Variants in PPP1R9A observed in about 807,000 individuals in gnomAD.
PPP1R9A encodes protein phosphatase 1 regulatory subunit 9A, also known as neurabin-1.
In PPP1R9A, 59 loss-of-function variants were observed where a neutral mutation model predicts 141.9. The ratio of observed to expected loss-of-function variants is 0.42; its 90% CI spans 0.34 to 0.52. The LOEUF (loss-of-function observed/expected upper bound fraction) is 0.52. Among genes scored for constraint, PPP1R9A ranks in the 20% least tolerant of loss-of-function variants. PPP1R9A has a pLI of 0.10. For missense variants in PPP1R9A, 1,444 were observed against 1,611.9 expected, an observed-to-expected ratio of 0.90 and a Z score of 1.78; for synonymous variants, 500 against 569.7, an observed-to-expected ratio of 0.88 and a Z score of 1.74.
intron 2 of PPP1R9A, among the ~76,000 whole-genome samples, chr7:95,074,623 C>T (rs560617461): frequency 2.6e-5 from 4 of 151,856 alleles, no homozygotes; most frequent in Non-Finnish European, 5.9e-5. Context: ...TACAGACATG[C>T]GCCACCACGC....
chr7:95,149,317 T>C (rs987647109), intron 4 of PPP1R9A, among the ~76,000 whole-genome samples: 1 of 152,110 alleles, frequency 6.6e-6, no homozygotes, highest in Non-Finnish European at 1.5e-5. Context: ...CTAAAAAACT[T>C]TCCTGCTAAG....
chr7:95,243,692 C>T (rs897474099), intron 8 of PPP1R9A, among the ~76,000 whole-genome samples: 1 of 152,106 alleles, frequency 6.6e-6, no homozygotes, highest in African/African-American at 2.4e-5. Flanking sequence ...TTTGTTTCCG[C>T]TCCATCACCT....
chr7:95,055,709 CTCATTTCTG>C (rs1811411246), intron 2 of PPP1R9A, among the ~76,000 whole-genome samples: 1 of 152,054 alleles, frequency 6.6e-6, no homozygotes, highest in African/African-American at 2.4e-5. Context: ...TATTAGTACA[CTCATTTCTG>C]TCTTTTTCTT....
chr7:95,111,226 C>G, intron 2 of PPP1R9A, 33 bp from the exon 3 acceptor site: 1 of 1,204,874 alleles, frequency 8.3e-7, no homozygotes. Flanking sequence ...TTTTTTTTTT[C>G]TGTATTATCA....
intron 2 of PPP1R9A, among the ~76,000 whole-genome samples, chr7:95,081,682 G>C (rs1185366053): frequency 1.3e-5 from 2 of 152,176 alleles, no homozygotes; most frequent in Non-Finnish European, 2.9e-5. Flanking sequence ...ACATCAGCGG[G>C]AATGGTGGGA....
intron 2 of PPP1R9A, among the ~76,000 whole-genome samples, chr7:95,079,809 C>T (rs549283329): frequency 3.4e-4 from 52 of 152,168 alleles, no homozygotes; most frequent in East Asian, 3.1e-3. Context: ...AAATGTAATC[C>T]GGCATATAAA....
At chr7:95,028,549 C>A (rs1029608058) in intron 2 of PPP1R9A, among the ~76,000 whole-genome samples, 1 of 151,946 alleles carries the variant, frequency 6.6e-6, no homozygotes, top group South Asian at 2.1e-4. Flanking sequence ...TATTAGAAAT[C>A]GTGTGATGGA....
chr7:95,230,044 C>T (rs1795701209), intron 8 of PPP1R9A, among the ~76,000 whole-genome samples: 1 of 152,134 alleles, frequency 6.6e-6, no homozygotes, highest in Non-Finnish European at 1.5e-5. Flanking sequence ...CCACTGGGTG[C>T]TAGATCCAGA....
At chr7:95,254,355 C>CT (rs1799292114) in intron 12 of PPP1R9A, among the ~76,000 whole-genome samples, 1 of 152,180 alleles carries the variant, frequency 6.6e-6, no homozygotes, top group African/African-American at 2.4e-5. Context: ...CTGGAAAGCA[C>CT]TTTTCTAAAT....
chr7:95,276,818 C>T (rs1171169966), intron 16 of PPP1R9A, among the ~76,000 whole-genome samples: 1 of 152,108 alleles, frequency 6.6e-6, no homozygotes, highest in East Asian at 1.9e-4. Context: ...AAATTTTGAG[C>T]TGCTATAGTA....
Position 95,251,777 on chromosome 7 carries a change from C to G in PPP1R9A, c.2412C>G (p.Ile804Met), listed in dbSNP as rs1299462460. ...TCTTCTTAAGAGAGCTTGATTTCAT[C>G]AAAAGACAGGAAGCAGAAAGAAAGA... ...KDFQQKELDF[I>M]KRQEAERKKI... The change falls in exon 11 of 20, where the codon ATC (isoleucine) becomes ATG (methionine). Residue 804 changes from isoleucine to methionine, a missense_variant. Physicochemically the swap from Ile to Met is conservative, Grantham distance 10 (BLOSUM62 1). Transcript: ENST00000433360. The G allele has an allele frequency of 6.8e-6, 11 of 1,613,158 alleles. No individual in the cohort carries two copies. The highest frequency in any genetic ancestry group is 8.5e-6 in the Non-Finnish European group (10 of 1,179,614).
chr7:95,280,394 A>T (rs1803973359), intron 16 of PPP1R9A, among the ~76,000 whole-genome samples: 1 of 152,222 alleles, frequency 6.6e-6, no homozygotes, highest in Non-Finnish European at 1.5e-5. Context: ...ACACACCTGT[A>T]TTCAAAGTTA....
intron 8 of PPP1R9A, among the ~76,000 whole-genome samples, chr7:95,236,626 G>T (rs1346288241): frequency 7.0e-6 from 1 of 143,526 alleles, no homozygotes; most frequent in African/African-American, 2.6e-5. Flanking sequence ...TACTTTTTTA[G>T]GTTTTTTTGT....
At chr7:94,926,113 C>T (rs118113387) in intron 2 of PPP1R9A, among the ~76,000 whole-genome samples, 2,681 of 152,266 alleles carry the variant, frequency 0.018, 32 homozygotes, top group Middle Eastern at 0.031. Context: ...AGGTGTGGGC[C>T]ACTGCTGGGC....
rs71127405 is a variant in PPP1R9A, at chr7:95,252,467, A to ATTTT, written c.2665+356_2665+359dup. ...TTATGTGTTAATGACTAAGGTTTAG[A>ATTTT]TTTTTTTTTTTTTTTTTTTTTTGAG... is the stretch of plus-strand genomic sequence containing the variant. On this transcript the variant is annotated intron_variant, in intron 12 of 19. Coordinates refer to ENST00000433360, the MANE Select transcript of PPP1R9A (RefSeq NM_001166160.2). Among the ~76,000 whole-genome samples, 53 of 107,056 alleles carry ATTTT rather than the reference A, an allele frequency of 5.0e-4. 1 individual carries two copies. Among genetic ancestry groups the ATTTT allele is most frequent in the East Asian group, 1.6e-3 (6 of 3,740 alleles). 70.2% of individuals were successfully genotyped at this position (107,056 alleles called of 152,430 possible). A position where few individuals can be genotyped will look rare whatever the true frequency, so the allele number is the denominator to read the frequency against.
chr7:95,181,482 C>T (rs1452127056), intron 5 of PPP1R9A, among the ~76,000 whole-genome samples: 1 of 129,438 alleles, frequency 7.7e-6, no homozygotes, highest in Non-Finnish European at 1.6e-5. Flanking sequence ...ATATATATTC[C>T]ATCATATATA....
At chr7:95,284,591 G>A (rs1411078949) in intron 17 of PPP1R9A, among the ~76,000 whole-genome samples, 1 of 152,176 alleles carries the variant, frequency 6.6e-6, no homozygotes, top group African/African-American at 2.4e-5. Context: ...CTATTTCACT[G>A]TGCTTCTCAA....
chr7:95,286,975 TC>T, intron 18 of PPP1R9A: 1 of 914,984 alleles, frequency 1.1e-6, no homozygotes, highest in Non-Finnish European at 1.6e-6. Context: ...CTTTTTTTTT[TC>T]TTGTAAGCTT....
At chr7:95,109,902 A>G (rs1300646669) in intron 2 of PPP1R9A, among the ~76,000 whole-genome samples, 1 of 152,054 alleles carries the variant, frequency 6.6e-6, no homozygotes, top group East Asian at 1.9e-4. Flanking sequence ...GCTAATATTT[A>G]TGAATATTAT....
Sources: gnomAD v4.1 joint callset for allele counts (sites outside exome capture counted in the v4.1 genomes callset) on GRCh38, gnomAD v4.1.1 for gene constraint, MANE v1.5 for transcripts, NCBI Gene and HGNC (gene_info 2026-07-23, HGNC 2026-07-21) for gene names.